Variants in FAM216A observed in about 807,000 individuals in gnomAD.
FAM216A encodes the protein protein FAM216A.
Under a neutral mutation model 37.6 loss-of-function variants are expected in FAM216A, and 26 were observed. The observed-to-expected ratio is 0.69, with a 90% CI of 0.51 to 0.96. FAM216A has a LOEUF of 0.96. FAM216A is among the 40% of genes least tolerant of loss of function. The pLI, the probability that FAM216A is intolerant of heterozygous loss-of-function variation, is 0.00. For missense variants in FAM216A, 326 were observed against 339.3 expected (o/e 0.96, Z 0.31); for synonymous variants, 110 against 121.7 (o/e 0.90, Z 0.64).
intron 2 of FAM216A, among the ~76,000 whole-genome samples, chr12:110,478,800 CTA>C (rs2135547535): frequency 6.6e-6 from 1 of 152,242 alleles, no homozygotes; most frequent in South Asian, 2.1e-4. Flanking sequence ...AGCTATAGAA[CTA>C]TGAGTCAATA....
chr12:110,485,596 G>A (rs1386581182), intron 3 of FAM216A, among the ~76,000 whole-genome samples: 2 of 151,884 alleles, frequency 1.3e-5, no homozygotes, highest in African/African-American at 2.4e-5. Flanking sequence ...TTGCAAGTAG[G>A]ATTTAAAAAA....
At chr12:110,468,818 T>G, upstream of FAM216A, 1 of 1,460,696 alleles carries the variant, frequency 6.8e-7, no homozygotes, top group Non-Finnish European at 9.0e-7. Context: ...GAAGCCAGCA[T>G]CCGAGCCGCC....
In FAM216A at chr12:110,486,430, C is replaced by T. The variant is rs1245650698; in HGVS notation, c.412C>T (p.Leu138Phe). Reference protein sequence around the residue: ...MLMKRQYMHVLQHSSQKPGVL... With the variant: ...MLMKRQYMHVFQHSSQKPGVL... Reference sequence around the variant, plus strand: ...AATGAAGAGGCAGTACATGCACGTACTTCAGCACAGCTCACAAAAGCCAGG... The same window carrying T: ...AATGAAGAGGCAGTACATGCACGTATTTCAGCACAGCTCACAAAAGCCAGG... The change falls in exon 4 of 7, where the codon CTT becomes TTT. Residue 138 changes from leucine (L) to phenylalanine (F), a missense_variant. Leu to Phe is a conservative substitution (Grantham distance 22, BLOSUM62 0). Transcript: ENST00000377673. 2 of 1,613,140 alleles carry T rather than the reference C, an allele frequency of 1.2e-6. No homozygotes were observed. The highest frequency in any genetic ancestry group is 1.3e-5 in the African/African-American group (1 of 74,914).
chr12:110,468,629 G>GGGAGCATGTATATTTCCCTCC, upstream of FAM216A: 1 of 1,537,224 alleles, frequency 6.5e-7, no homozygotes. Context: ...TCTTGTTTTG[G>GGGAGCATGTATATTTCCCTCC]GGAGCATGTA....
Position 110,484,894 on chromosome 12 carries a change from G to T in FAM216A, c.185-184G>T, listed in dbSNP as rs899667281. ...TTTTTGTATTTTTAGTAGAGACAGG[G>T]TTTCACCGTGTTAGCCAGGATGGTC... On this transcript the variant is annotated intron_variant, in intron 2 of 6. Coordinates refer to ENST00000377673, the MANE Select transcript of FAM216A (RefSeq NM_013300.3). Among the ~76,000 whole-genome samples the T allele has an allele frequency of 7.9e-5, 12 of 152,070 alleles. No homozygotes were observed. The East Asian group carries it at 2.3e-3, about 29-fold the overall frequency.
chr12:110,473,908 G>C (rs949139940), intron 2 of FAM216A, among the ~76,000 whole-genome samples: 3 of 152,044 alleles, frequency 2.0e-5, no homozygotes, highest in Non-Finnish European at 4.4e-5. Flanking sequence ...TTTTCCCTTG[G>C]GAGAGGAGCT....
chr12:110,485,318 A>G, intron 3 of FAM216A, 119 bp downstream of exon 3: 1 of 786,890 alleles, frequency 1.3e-6, no homozygotes, highest in Non-Finnish European at 2.0e-6. Flanking sequence ...TATGCAGTAT[A>G]ATTGTCTAGG....
chr12:110,489,844 T>A (rs754391392), intron 6 of FAM216A, among the ~76,000 whole-genome samples, 175 bp from the exon 7 acceptor site: 22 of 152,182 alleles, frequency 1.4e-4, no homozygotes, highest in Non-Finnish European at 2.8e-4. Context: ...GAATACAGTA[T>A]TGTGTATCTT....
At chr12:110,486,499 T>C (rs1565854278) in intron 4 of FAM216A, 35 bp from the exon 5 acceptor site, 1 of 1,607,966 alleles carries the variant, frequency 6.2e-7, no homozygotes, top group Middle Eastern at 1.7e-4. Context: ...TTACAATTAG[T>C]GAGAGGGTCT....
chr12:110,474,744 G>A (rs961057523), intron 2 of FAM216A, among the ~76,000 whole-genome samples: 7 of 145,122 alleles, frequency 4.8e-5, no homozygotes, highest in African/African-American at 1.5e-4. Flanking sequence ...GCTCACGCCT[G>A]TAATCCCAGC....
intron 2 of FAM216A, among the ~76,000 whole-genome samples, chr12:110,478,893 T>C (rs114239180): frequency 9.9e-4 from 150 of 152,084 alleles, no homozygotes; most frequent in Middle Eastern, 3.4e-3. Context: ...TTTTAAAAAA[T>C]TGTATATATT....
At chr12:110,483,330 C>CAAAAAAAAAAAAAAAAAA (rs916383892) in intron 2 of FAM216A, among the ~76,000 whole-genome samples, 1 of 120,926 alleles carries the variant, frequency 8.3e-6, no homozygotes, top group South Asian at 2.5e-4. Context: ...GACTCCTTCT[C>CAAAAAAAAAAAAAAAAAA]AAAAAAAAAA....
intron 2 of FAM216A, among the ~76,000 whole-genome samples, chr12:110,476,430 A>G (rs1169503773): frequency 6.6e-6 from 1 of 151,726 alleles, no homozygotes; most frequent in African/African-American, 2.4e-5. Flanking sequence ...GGATGGTCTC[A>G]ATCTCCTGAC....
chr12:110,468,779 G>T (rs1012958182), upstream of FAM216A: 21 of 1,468,418 alleles, frequency 1.4e-5, no homozygotes, highest in East Asian at 2.5e-5. Context: ...AGCTGTTCGG[G>T]CAGTGTCCGA....
chr12:110,470,226 G>T (rs1255882706), intron 1 of FAM216A, among the ~76,000 whole-genome samples: 1 of 151,618 alleles, frequency 6.6e-6, no homozygotes, highest in Admixed American at 6.6e-5. Flanking sequence ...AGCCTCTGGA[G>T]TAGCTGGGAT....
intron 2 of FAM216A, among the ~76,000 whole-genome samples, chr12:110,482,588 G>T (rs957324079): frequency 1.3e-5 from 2 of 151,606 alleles, no homozygotes; most frequent in African/African-American, 4.8e-5. Flanking sequence ...AAGCTCAGGA[G>T]ATCGAGACCA....
rs1486537390 is a variant in FAM216A, at chr12:110,490,185, G to T, written c.*48G>T. ...TTCGTGCCAAAGGTGAGGGTAAGGG[G>T]TTGTGAGTTGTGTCCTGTATGTTTA... On this transcript the variant is annotated 3_prime_UTR_variant, in exon 7 of 7. Coordinates refer to ENST00000377673, the MANE Select transcript of FAM216A (RefSeq NM_013300.3). The T allele has an allele frequency of 1.1e-6, 1 of 872,772 alleles. No individual in the cohort carries two copies. 54.1% of individuals were successfully genotyped at this position (872,772 alleles called of 1,614,324 possible). A position where few individuals can be genotyped will look rare whatever the true frequency, so the allele number is the denominator to read the frequency against.
chr12:110,481,745 T>C (rs764580121), intron 2 of FAM216A, among the ~76,000 whole-genome samples: 1 of 152,142 alleles, frequency 6.6e-6, no homozygotes, highest in Non-Finnish European at 1.5e-5. Context: ...CAAAATATAA[T>C]ATGCATCTCA....
In FAM216A at chr12:110,468,917, C is replaced by A; in HGVS notation, c.42C>A (p.Gly14=). 6.6e-7 allele frequency: 1 copy of A among 1,522,382 alleles called. No individual in the cohort carries two copies. Among genetic ancestry groups the A allele is most frequent in the South Asian group, 1.2e-5 (1 of 83,320 alleles). 94.3% of individuals were successfully genotyped at this position (1,522,382 alleles called of 1,614,324 possible). A position where few individuals can be genotyped will look rare whatever the true frequency, so the allele number is the denominator to read the frequency against. The change falls in exon 1 of 7, where the codon GGC becomes GGA. Residue 14 remains glycine, a synonymous_variant. Coordinates refer to ENST00000377673, the MANE Select transcript of FAM216A (RefSeq NM_013300.3). The part of the protein sequence containing the change: ...QLLPHTARGL[G]AAEMPGQGPG... ...TCCCGCACACGGCTCGCGGTCTCGGCGCCGCGGAGATGCCCGGCCAGGGTC... is the reference window on the plus strand; with the variant it reads ...TCCCGCACACGGCTCGCGGTCTCGGAGCCGCGGAGATGCCCGGCCAGGGTC...
Sources: gnomAD v4.1 joint callset for allele counts (sites outside exome capture counted in the v4.1 genomes callset) on GRCh38, gnomAD v4.1.1 for gene constraint, MANE v1.5 for transcripts, NCBI Gene and HGNC (gene_info 2026-07-23, HGNC 2026-07-21) for gene names.